Variants in NCAM2 observed in about 807,000 individuals in gnomAD.
NCAM2 encodes N-CAM-2.
Under a neutral mutation model 98.1 loss-of-function variants are expected in NCAM2, and 30 were observed. That is an observed-to-expected ratio of 0.31 (90% CI 0.23 to 0.41). NCAM2 has a LOEUF of 0.41. NCAM2 is among the 10% of genes least tolerant of loss of function. The pLI is 1.00. For synonymous variants in NCAM2, 368 were observed against 342.4 expected (o/e 1.07, Z -0.83); for missense variants, 867 against 1,005.8 (o/e 0.86, Z 1.87).
chr21:21,175,683 A>G (rs1265166112), intron 1 of NCAM2, among the ~76,000 whole-genome samples: 1 of 152,226 alleles, frequency 6.6e-6, no homozygotes, highest in Non-Finnish European at 1.5e-5. Context: ...AGAAAATGAG[A>G]ATGAATCAGG....
At chr21:21,350,891 T>C (rs1295025000) in intron 8 of NCAM2, among the ~76,000 whole-genome samples, 2 of 142,918 alleles carry the variant, frequency 1.4e-5, no homozygotes, top group Non-Finnish European at 3.0e-5. Context: ...ATGGAGACCA[T>C]CATGGCTAAC....
At chr21:21,350,359 C>A (rs946404193) in intron 8 of NCAM2, among the ~76,000 whole-genome samples, 2 of 152,132 alleles carry the variant, frequency 1.3e-5, no homozygotes, top group African/African-American at 4.8e-5. Flanking sequence ...AACTCACTAA[C>A]TACGATGTGT....
chr21:21,138,467 C>CTATT (rs3072001), intron 1 of NCAM2, among the ~76,000 whole-genome samples: 102,979 of 151,540 alleles, frequency 0.68, 35,037 homozygotes, highest in East Asian at 0.87. Flanking sequence ...AGCTACATCT[C>CTATT]TAGTGTATTT....
chr21:21,114,533 A>G (rs2066514723), intron 1 of NCAM2, among the ~76,000 whole-genome samples: 1 of 152,192 alleles, frequency 6.6e-6, no homozygotes, highest in Non-Finnish European at 1.5e-5. Flanking sequence ...GCTTAGTAAC[A>G]AGAGTGGAGA....
At position 21,540,361 on chromosome 21, in the gene NCAM2, T is replaced by C. The variant is rs113418634; in HGVS notation, c.*2404T>C. 6.6e-6 allele frequency: 1 copy of C among 151,536 alleles called. No individual in the cohort carries two copies. Among genetic ancestry groups the C allele is most frequent in the African/African-American group, 2.4e-5 (1 of 41,328 alleles). The allele number at this position is 151,536 out of a possible 1,614,324, so 9.4% of individuals were successfully genotyped here. ...GTAATGATCTGAAATTAACAGATAA[T>C]CTGAAGCTAATTATATTCAGACTAT... On this transcript the variant is annotated 3_prime_UTR_variant, in exon 18 of 18. Transcript: ENST00000400546.
intron 1 of NCAM2, among the ~76,000 whole-genome samples, chr21:21,054,872 T>A (rs2146307238): frequency 6.6e-6 from 1 of 152,164 alleles, no homozygotes. Flanking sequence ...TCCAGGATAC[T>A]GTTTCTGCCT....
chr21:21,334,331 T>C (rs2826803), intron 6 of NCAM2, among the ~76,000 whole-genome samples: 81,673 of 152,036 alleles, frequency 0.54, 22,070 homozygotes, highest in Admixed American at 0.64. Context: ...CATGAGAAAC[T>C]GGAACAATAA....
At chr21:21,031,549 T>A (rs1005526013) in intron 1 of NCAM2, among the ~76,000 whole-genome samples, 1 of 116,892 alleles carries the variant, frequency 8.6e-6, no homozygotes, top group African/African-American at 3.3e-5. Context: ...TGGCAATAAA[T>A]AGTTGTCTGT....
chr21:21,272,262 C>T (rs2072530273), intron 1 of NCAM2, among the ~76,000 whole-genome samples: 1 of 152,110 alleles, frequency 6.6e-6, no homozygotes, highest in Non-Finnish European at 1.5e-5. Flanking sequence ...ATTGTGATTA[C>T]TCTGAAATGG....
chr21:21,183,825 T>G (rs927662722), intron 1 of NCAM2, among the ~76,000 whole-genome samples: 1 of 152,022 alleles, frequency 6.6e-6, no homozygotes, highest in Non-Finnish European at 1.5e-5. Flanking sequence ...TCACTCCAAT[T>G]TATTATAGTA....
chr21:21,201,792 G>A (rs1297448006), intron 1 of NCAM2, among the ~76,000 whole-genome samples: 1 of 152,124 alleles, frequency 6.6e-6, no homozygotes, highest in African/African-American at 2.4e-5. Flanking sequence ...CAGTATTCTA[G>A]AGCAGCAGGT....
chr21:21,347,317 T>C (rs1452443494), intron 8 of NCAM2, among the ~76,000 whole-genome samples: 2 of 151,920 alleles, frequency 1.3e-5, no homozygotes, highest in Non-Finnish European at 2.9e-5. Flanking sequence ...GAAAAAACTT[T>C]CTAAAATTTA....
chr21:21,147,094 C>G (rs951674238), intron 1 of NCAM2: 2 of 963,918 alleles, frequency 2.1e-6, no homozygotes, highest in Non-Finnish European at 2.4e-6. Flanking sequence ...GCCTTCTACT[C>G]CGGAACTCAT....
chr21:21,297,935 G>C (rs960180671), intron 5 of NCAM2, among the ~76,000 whole-genome samples: 13 of 151,684 alleles, frequency 8.6e-5, no homozygotes, highest in African/African-American at 3.1e-4. Context: ...ATTGAGATTG[G>C]ATAAAAAACA....
At chr21:21,481,959 A>G (rs940336960) in intron 15 of NCAM2, among the ~76,000 whole-genome samples, 1 of 151,960 alleles carries the variant, frequency 6.6e-6, no homozygotes, top group Non-Finnish European at 1.5e-5. Flanking sequence ...TGAACCGGGC[A>G]TGGTGACACC....
rs1486224658 is a variant in NCAM2, at chr21:21,300,364, T to C, written c.619+8123T>C. Among the ~76,000 whole-genome samples, 12 of 152,168 alleles carry C rather than the reference T, an allele frequency of 7.9e-5. No individual in the cohort carries two copies. The East Asian group carries it at 2.3e-3, about 29-fold the overall frequency. Reference sequence around the variant, plus strand: ...AAGTAATTTAGCCAAGCTTCACAAATTGTTTAGGTTGAGTCCAAACTATCA... The same window carrying C: ...AAGTAATTTAGCCAAGCTTCACAAACTGTTTAGGTTGAGTCCAAACTATCA... On this transcript the variant is annotated intron_variant, in intron 5 of 17. Transcript: ENST00000400546.
intron 1 of NCAM2, among the ~76,000 whole-genome samples, chr21:21,058,682 T>TA (rs1406687115): frequency 6.6e-6 from 1 of 151,610 alleles, no homozygotes; most frequent in African/African-American, 2.4e-5. Flanking sequence ...TTTTTTTTTT[T>TA]TTATTCATTG....
chr21:21,352,803 TA>T (rs202122817), intron 8 of NCAM2, among the ~76,000 whole-genome samples: 9,477 of 95,848 alleles, frequency 0.099, 541 homozygotes, highest in East Asian at 0.33. Flanking sequence ...ACTTAAAGTA[TA>T]AAAAAAAAAA....
chr21:21,180,656 G>A (rs2068439235), intron 1 of NCAM2, among the ~76,000 whole-genome samples: 1 of 152,060 alleles, frequency 6.6e-6, no homozygotes, highest in Admixed American at 6.6e-5. Flanking sequence ...ATACATTAAA[G>A]ATTAGTTTTT....
Sources: allele counts gnomAD v4.1 joint callset (sites outside exome capture counted in the v4.1 genomes callset), GRCh38; gene constraint gnomAD v4.1.1; transcripts MANE v1.5; gene names NCBI Gene and HGNC (gene_info 2026-07-23, HGNC 2026-07-21).